Variants in PRORP observed in about 807,000 individuals in gnomAD.
PRORP encodes the protein mitochondrial ribonuclease P catalytic subunit.
A neutral mutation model predicts 59.4 loss-of-function variants in PRORP; 51 were observed. The observed-to-expected ratio is 0.86, with a 90% confidence interval of 0.69 to 1.08. The LOEUF (loss-of-function observed/expected upper bound fraction) is 1.08, where lower values mean the gene tolerates loss of function less well. PRORP is among the 50% of genes least tolerant of loss of function. The pLI, the probability that PRORP is intolerant of heterozygous loss-of-function variation, is 0.00. For synonymous variants in PRORP, 231 were observed against 245.6 expected (o/e 0.94, Z 0.55); for missense variants, 646 against 690.3 (o/e 0.94, Z 0.72).
intron 5 of PRORP, among the ~76,000 whole-genome samples, chr14:35,257,140 G>T (rs544716380): frequency 2.6e-5 from 4 of 152,088 alleles, no homozygotes; most frequent in Non-Finnish European, 4.4e-5. Context: ...CTCCCAAAGT[G>T]CTGGCATTAC....
At chr14:35,241,183 GC>G (rs1390984851) in intron 5 of PRORP, among the ~76,000 whole-genome samples, 1 of 152,130 alleles carries the variant, frequency 6.6e-6, no homozygotes, top group East Asian at 1.9e-4. Context: ...TTTGAGAGCA[GC>G]CTGGCCAACA....
rs398056986 is a variant in PRORP, at chr14:35,234,676, CTTT to C, written c.1276-32035_1276-32033del. Among the ~76,000 whole-genome samples the C allele has an allele frequency of 1.2e-4, 16 of 130,110 alleles. 1 individual carries two copies. The highest frequency in any genetic ancestry group is 8.0e-3 in the Middle Eastern group (2 of 250). The allele number at this position is 130,110 out of a possible 152,430, so 85.4% of individuals were successfully genotyped here. On this transcript the variant is annotated intron_variant, in intron 5 of 7. Coordinates refer to ENST00000534898, the MANE Select transcript of PRORP (RefSeq NM_014672.4). ...TTCTTTCCTCTTTCAACTGTTGTTC[CTTT>C]TTTTTTTTTTTTTTTAAGAGTAAGG...
intron 4 of PRORP, among the ~76,000 whole-genome samples, chr14:35,151,934 C>CTTTTTTTTTT (rs11342103): frequency 2.4e-5 from 3 of 124,838 alleles, no homozygotes; most frequent in Non-Finnish European, 5.0e-5. Context: ...GTTAATCCAT[C>CTTTTTTTTTT]TTTTTTTTTT....
intron 5 of PRORP, among the ~76,000 whole-genome samples, chr14:35,182,241 C>T (rs989228164): frequency 2.6e-5 from 4 of 151,204 alleles, no homozygotes; most frequent in South Asian, 2.1e-4. Context: ...ACTCCAGCCT[C>T]GGCAACAAAA....
intron 5 of PRORP, among the ~76,000 whole-genome samples, chr14:35,249,931 G>A (rs1235720743): frequency 2.0e-5 from 3 of 152,038 alleles, no homozygotes; most frequent in African/African-American, 7.2e-5. Context: ...ATCCTCCCTG[G>A]TGTGCACACT....
chr14:35,227,210 G>A lies in PRORP; in HGVS notation c.1276-39517G>A, dbSNP rs545851690. Among the ~76,000 whole-genome samples the A allele has an allele frequency of 2.0e-5, 3 of 151,554 alleles. No homozygotes were observed. In the South Asian group the frequency reaches 6.3e-4, roughly 32 times the overall value. On this transcript the variant is annotated intron_variant, in intron 5 of 7. Transcript: ENST00000534898. ...TGTAATCCCAGCACTTTGGGAGGCC[G>A]AGGTGGGTGGATCACGAGGTCAGGA...
At chr14:35,147,189 AT>A (rs1446467540) in intron 4 of PRORP, among the ~76,000 whole-genome samples, 2 of 152,170 alleles carry the variant, frequency 1.3e-5, no homozygotes, top group African/African-American at 2.4e-5. Flanking sequence ...AGATACCTTA[AT>A]TTAAAAATAC....
chr14:35,223,252 C>A (rs77994572), intron 5 of PRORP, among the ~76,000 whole-genome samples: 9,172 of 150,812 alleles, frequency 0.061, 363 homozygotes, highest in Middle Eastern at 0.12. Context: ...CAGAATGAAA[C>A]CTCTCCCCAA....
chr14:35,233,616 C>G (rs1328378521), intron 5 of PRORP, among the ~76,000 whole-genome samples: 1 of 137,252 alleles, frequency 7.3e-6, no homozygotes, highest in Non-Finnish European at 1.6e-5. Context: ...TTAGGCCACC[C>G]TAAAATTTGC....
rs1201394635 is a variant in PRORP, at chr14:35,138,690, A to C, written c.1167+11079A>C. Among the ~76,000 whole-genome samples the C allele has an allele frequency of 1.4e-5, 2 of 145,752 alleles. 1 individual carries two copies. The highest frequency in any genetic ancestry group is 3.0e-5 in the Non-Finnish European group (2 of 65,578). On this transcript the variant is annotated intron_variant, in intron 4 of 7. Transcript: ENST00000534898. The stretch of plus-strand genomic sequence containing the variant: ...TAGTACTGTTGTTCAAAACAAAGTA[A>C]ATTAGATGACACCCTCTAATGTAGC...
chr14:35,198,139 C>G (rs1257636231), intron 5 of PRORP, among the ~76,000 whole-genome samples: 1 of 152,212 alleles, frequency 6.6e-6, no homozygotes, highest in African/African-American at 2.4e-5. Flanking sequence ...ACACCCAATT[C>G]TGGTATATCT....
intron 4 of PRORP, among the ~76,000 whole-genome samples, chr14:35,134,355 C>G (rs541751280): frequency 6.6e-6 from 1 of 152,270 alleles, no homozygotes; most frequent in South Asian, 2.1e-4. Context: ...TGCTGCCTGG[C>G]CTGGGACTCA....
intron 5 of PRORP, among the ~76,000 whole-genome samples, chr14:35,213,113 G>A (rs893050424): frequency 1.4e-4 from 21 of 152,166 alleles, no homozygotes; most frequent in Admixed American, 1.2e-3. Flanking sequence ...TCATAGAATT[G>A]AAGAGAGTTT....
chr14:35,134,444 G>GTACT (rs1215060133), intron 4 of PRORP, among the ~76,000 whole-genome samples: 2 of 152,182 alleles, frequency 1.3e-5, no homozygotes, highest in Admixed American at 6.5e-5. Flanking sequence ...GGCCCATGAT[G>GTACT]TACTACCTGG....
chr14:35,257,935 C>A (rs1566532062), intron 5 of PRORP, among the ~76,000 whole-genome samples: 1 of 152,074 alleles, frequency 6.6e-6, no homozygotes, highest in Non-Finnish European at 1.5e-5. Flanking sequence ...TTTTCTATTT[C>A]CGGAGCATCC....
intron 5 of PRORP, among the ~76,000 whole-genome samples, chr14:35,203,309 T>C (rs2049204904): frequency 6.6e-6 from 1 of 152,122 alleles, no homozygotes; most frequent in South Asian, 2.1e-4. Flanking sequence ...ATGATCACTT[T>C]AGCATTTGAA....
At chr14:35,130,357 T>G (rs949367412) in intron 4 of PRORP, among the ~76,000 whole-genome samples, 1 of 151,198 alleles carries the variant, frequency 6.6e-6, no homozygotes, top group African/African-American at 2.4e-5. Context: ...TTTCTAAAGA[T>G]AAGAGTAGTT....
intron 4 of PRORP, among the ~76,000 whole-genome samples, chr14:35,167,831 C>G (rs1301701440): frequency 6.6e-6 from 1 of 152,072 alleles, no homozygotes; most frequent in Non-Finnish European, 1.5e-5. Context: ...CCTACTCTAG[C>G]AAATAAGAAG....
intron 4 of PRORP, among the ~76,000 whole-genome samples, chr14:35,147,419 T>C (rs2047638587): frequency 6.6e-6 from 1 of 152,238 alleles, no homozygotes; most frequent in Non-Finnish European, 1.5e-5. Flanking sequence ...CATGGCTTAC[T>C]GTAGCCTCCA....
Sources: allele counts gnomAD v4.1 joint callset (sites outside exome capture counted in the v4.1 genomes callset), GRCh38; gene constraint gnomAD v4.1.1; transcripts MANE v1.5; gene names NCBI Gene and HGNC (gene_info 2026-07-23, HGNC 2026-07-21).